AUTS2: variants seen among roughly 807,000 people sequenced by gnomAD.
The protein encoded by AUTS2 is activator of transcription and developmental regulator AUTS2.
Under a neutral mutation model 112.4 loss-of-function variants are expected in AUTS2, and 17 were observed. The observed-to-expected ratio is 0.15, with a 90% CI of 0.10 to 0.23. The LOEUF is 0.23. AUTS2 is among the 10% of genes least tolerant of loss of function. AUTS2 has a pLI of 1.00. For synonymous variants in AUTS2, 751 were observed against 702.7 expected, an observed-to-expected ratio of 1.07 and a Z score of -1.09; for missense variants, 1,510 against 1,701.6, an observed-to-expected ratio of 0.89 and a Z score of 1.98.
chr7:70,321,849 GT>G (rs1790270220), intron 4 of AUTS2, among the ~76,000 whole-genome samples: 2 of 151,960 alleles, frequency 1.3e-5, no homozygotes, highest in Non-Finnish European at 2.9e-5. Flanking sequence ...GTACCCTATA[GT>G]TTATGAAGCA....
intron 2 of AUTS2, among the ~76,000 whole-genome samples, chr7:69,992,713 G>A (rs372894591): frequency 6.6e-5 from 10 of 152,106 alleles, no homozygotes; most frequent in South Asian, 2.1e-4. Context: ...GCAAGACTTC[G>A]TCTCTACAGA....
At chr7:70,761,876 A>T (rs576450785) in intron 6 of AUTS2, among the ~76,000 whole-genome samples, 1 of 152,220 alleles carries the variant, frequency 6.6e-6, no homozygotes. Flanking sequence ...GGGGAACCCC[A>T]TGTGGTCCCA....
Position 70,787,411 on chromosome 7 carries a change from T to C in AUTS2, c.2511T>C (p.Val837=). The change falls in exon 18 of 19, where the codon GTT becomes GTC. Residue 837 remains valine, a synonymous_variant. Transcript: ENST00000342771. ...DRDVDKRDSS[V]SKDDKERESV... The stretch of plus-strand genomic sequence containing the variant: ...ATGTAGATAAACGAGACTCATCTGT[T>C]AGTAAAGATGACAAAGAAAGGTACG... The C allele has an allele frequency of 6.2e-7, 1 of 1,611,396 alleles. No homozygotes were observed. The highest frequency in any genetic ancestry group is 8.5e-7 in the Non-Finnish European group (1 of 1,177,904).
At chr7:69,760,215 A>T (rs1281069175) in intron 1 of AUTS2, among the ~76,000 whole-genome samples, 9 of 131,478 alleles carry the variant, frequency 6.8e-5, no homozygotes, top group East Asian at 6.4e-4. Flanking sequence ...TTTTTTTTTT[A>T]AATAGAGATA....
chr7:70,159,894 C>T (rs564138994), intron 4 of AUTS2, among the ~76,000 whole-genome samples: 1 of 152,124 alleles, frequency 6.6e-6, no homozygotes, highest in East Asian at 1.9e-4. Context: ...TTGTTTTTAT[C>T]ATGGTGAAGG....
At chr7:70,655,153 G>A (rs750688718) in intron 5 of AUTS2, among the ~76,000 whole-genome samples, 3 of 152,162 alleles carry the variant, frequency 2.0e-5, no homozygotes, top group Non-Finnish European at 2.9e-5. Flanking sequence ...GAGTTACTTT[G>A]GCAGTGCCTG....
intron 4 of AUTS2, among the ~76,000 whole-genome samples, chr7:70,323,473 A>G (rs781688464): frequency 2.6e-5 from 4 of 152,180 alleles, no homozygotes; most frequent in Non-Finnish European, 4.4e-5. Flanking sequence ...CAGCCACTGT[A>G]GCCAAGAGCT....
chr7:69,835,513 C>T (rs1024471523), intron 1 of AUTS2, among the ~76,000 whole-genome samples: 2 of 152,112 alleles, frequency 1.3e-5, no homozygotes, highest in African/African-American at 4.8e-5. Context: ...GAGATAAATG[C>T]CATCTTTTGA....
rs574791010 is a variant in AUTS2 at position 70,656,963 on chromosome 7, C to T, written c.691-41606C>T. 4.6e-5 allele frequency among the ~76,000 whole-genome samples: 7 copies of T among 152,310 alleles called. No individual in the cohort carries two copies. In the South Asian group the frequency reaches 1.5e-3, roughly 32 times the overall value. ...TATTTTAAAAATCCCAGAACAACCCCAGCAGTGGTTTTAGAGATGAGGAAG... is the reference window on the plus strand; with the variant it reads ...TATTTTAAAAATCCCAGAACAACCCTAGCAGTGGTTTTAGAGATGAGGAAG... On this transcript the variant is annotated intron_variant, in intron 5 of 18. Transcript: ENST00000342771.
At chr7:70,714,440 ATGT>A (rs973279312) in intron 6 of AUTS2, among the ~76,000 whole-genome samples, 1 of 152,150 alleles carries the variant, frequency 6.6e-6, no homozygotes. Context: ...ACAAAATCAC[ATGT>A]TGTTATCACA....
chr7:70,473,690 A>T (rs1235319922), intron 5 of AUTS2, among the ~76,000 whole-genome samples: 1 of 151,168 alleles, frequency 6.6e-6, no homozygotes, highest in Non-Finnish European at 1.5e-5. Flanking sequence ...GTGCCTAGAA[A>T]ATGTTTGTTT....
At chr7:70,518,099 A>C (rs757254093) in intron 5 of AUTS2, among the ~76,000 whole-genome samples, 2 of 152,226 alleles carry the variant, frequency 1.3e-5, no homozygotes, top group South Asian at 2.1e-4. Context: ...TGTGAAATAT[A>C]ATTACAATGA....
chr7:70,050,025 C>A (rs1365908641), intron 2 of AUTS2, among the ~76,000 whole-genome samples: 1 of 151,972 alleles, frequency 6.6e-6, no homozygotes, highest in Non-Finnish European at 1.5e-5. Flanking sequence ...CAAACTGAAG[C>A]CTTTTTGTAA....
chr7:70,464,311 G>A (rs1162518454), intron 5 of AUTS2, among the ~76,000 whole-genome samples: 15 of 152,210 alleles, frequency 9.9e-5, no homozygotes, highest in Admixed American at 9.8e-4. Context: ...AGAAAGCAGA[G>A]GAGGCAGTTA....
intron 4 of AUTS2, among the ~76,000 whole-genome samples, chr7:70,207,397 G>T (rs1810626429): frequency 6.6e-6 from 1 of 152,022 alleles, no homozygotes; most frequent in Admixed American, 6.6e-5. Flanking sequence ...TGTTTTCCTT[G>T]GTTATCTTGG....
chr7:69,697,412 C>T (rs1350275169), intron 1 of AUTS2, among the ~76,000 whole-genome samples: 3 of 152,146 alleles, frequency 2.0e-5, no homozygotes, highest in Non-Finnish European at 4.4e-5. Flanking sequence ...TGATCTCTGC[C>T]TTGGGGAACT....
intron 5 of AUTS2, among the ~76,000 whole-genome samples, chr7:70,656,278 T>C (rs1806766383): frequency 6.6e-6 from 1 of 152,116 alleles, no homozygotes; most frequent in Non-Finnish European, 1.5e-5. Flanking sequence ...TTTAATAGAT[T>C]ACTTTTCTGG....
At chr7:70,320,645 A>G (rs1182297499) in intron 4 of AUTS2, among the ~76,000 whole-genome samples, 1 of 152,198 alleles carries the variant, frequency 6.6e-6, no homozygotes, top group African/African-American at 2.4e-5. Flanking sequence ...ACATGAAACA[A>G]CTAATGAAAC....
At position 70,793,383 on chromosome 7, in the gene AUTS2, C is replaced by G. The variant is rs1792083462; in HGVS notation, c.*2387C>G. On this transcript the variant is annotated 3_prime_UTR_variant, in exon 19 of 19. Transcript: ENST00000342771. ...TTTTTTTCCTGTCTTAGCTTTTTCT[C>G]TCTTTTAATTACGTGGTGTAGTCCT... The G allele has an allele frequency of 6.6e-6, 1 of 151,920 alleles. No individual in the cohort carries two copies. The highest frequency in any genetic ancestry group is 2.4e-5 in the African/African-American group (1 of 41,336). The allele number at this position is 151,920 out of a possible 1,614,324, so 9.4% of individuals were successfully genotyped here.
Sources: gnomAD v4.1 joint callset for allele counts (sites outside exome capture counted in the v4.1 genomes callset) on GRCh38, gnomAD v4.1.1 for gene constraint, MANE v1.5 for transcripts, NCBI Gene and HGNC (gene_info 2026-07-23, HGNC 2026-07-21) for gene names.